Variants in GOLM1 observed in about 807,000 individuals in gnomAD.
GOLM1 encodes the protein epididymis luminal protein 46.
GOLM1 carries 31 observed loss-of-function variants against 50.5 expected under a neutral mutation model. That is an observed-to-expected ratio of 0.61 (90% CI 0.46 to 0.83). The LOEUF (loss-of-function observed/expected upper bound fraction) is 0.83. Among genes scored for constraint, GOLM1 ranks in the 40% least tolerant of loss-of-function variants. The pLI, the probability that GOLM1 is intolerant of heterozygous loss-of-function variation, is 0.00. For synonymous variants in GOLM1, 178 were observed against 192.8 expected, an observed-to-expected ratio of 0.92 and a Z score of 0.64; for missense variants, 491 against 501.3, an observed-to-expected ratio of 0.98 and a Z score of 0.20.
Position 86,046,568 on chromosome 9 carries a change from C to T in GOLM1, c.369G>A (p.Gln123=). The T allele has an allele frequency of 6.2e-7, 1 of 1,600,176 alleles. No homozygotes were observed. The highest frequency in any genetic ancestry group is 8.6e-7 in the Non-Finnish European group (1 of 1,168,748). The change falls in exon 5 of 10, where the codon CAG becomes CAA. Residue 123 remains glutamine (Q), a synonymous_variant. Transcript: ENST00000388712. Reference sequence around the variant, plus strand: ...CGTAATTCCTCTGCAGGGTCTTTAACTGGTCTACACCAAGGGGACAAGGAA... The same window carrying T: ...CGTAATTCCTCTGCAGGGTCTTTAATTGGTCTACACCAAGGGGACAAGGAA... ...GERLIRVLQD[Q]LKTLQRNYGR...
chr9:86,086,853 T>C (rs946389413), intron 1 of GOLM1, among the ~76,000 whole-genome samples: 2 of 152,200 alleles, frequency 1.3e-5, no homozygotes, highest in African/African-American at 2.4e-5. Context: ...TTGGTTACTG[T>C]AGCCTTGTGG....
At chr9:86,048,298 T>C (rs1833622720) in intron 4 of GOLM1, among the ~76,000 whole-genome samples, 1 of 151,414 alleles carries the variant, frequency 6.6e-6, no homozygotes, top group Admixed American at 6.6e-5. Flanking sequence ...GTTGATTCCA[T>C]GTCTTTACTA....
rs369922977 is a variant in GOLM1 at position 86,031,856 on chromosome 9, C to A, written c.1129+1426G>T. On this transcript the variant is annotated intron_variant, in intron 9 of 9. Transcript: ENST00000388712. ...TCAACTGGCATCACAAAAAGAAAGA[C>A]GCCAGGTTGCAGTCAGCCAAGATCG... Among the ~76,000 whole-genome samples, 9 of 149,198 alleles carry A rather than the reference C, an allele frequency of 6.0e-5. 1 individual carries two copies. Among genetic ancestry groups the A allele is most frequent in the Middle Eastern group, 3.4e-3 (1 of 290 alleles).
chr9:86,027,764 AT>A lies in GOLM1; in HGVS notation c.*52del. On this transcript the variant is annotated 3_prime_UTR_variant, in exon 10 of 10. Coordinates refer to ENST00000388712, the MANE Select transcript of GOLM1 (RefSeq NM_016548.4). ...TTTCAGTATTCAGTCCCTCATGAAC[AT>A]TTTATAGTCATCTCTTCGGCCCTGT... 6.3e-7 allele frequency: 1 copy of A among 1,590,488 alleles called. No homozygotes were observed. The highest frequency in any genetic ancestry group is 8.6e-7 in the Non-Finnish European group (1 of 1,169,584).
intron 3 of GOLM1, among the ~76,000 whole-genome samples, chr9:86,061,153 G>A (rs1834151413): frequency 6.6e-6 from 1 of 152,088 alleles, no homozygotes; most frequent in Non-Finnish European, 1.5e-5. Context: ...ACCTTTTCAT[G>A]TTTACGGTTT....
intron 5 of GOLM1, among the ~76,000 whole-genome samples, chr9:86,045,822 G>A (rs1426308812): frequency 6.6e-6 from 1 of 152,132 alleles, no homozygotes; most frequent in Non-Finnish European, 1.5e-5. Flanking sequence ...AAGTCAAAGG[G>A]AAAAGGACAG....
In GOLM1 at chr9:86,046,583, G is replaced by C; in HGVS notation, c.365-11C>G. ...GGGTCTTTAACTGGTCTACACCAAG[G>C]GGACAAGGAATTGCACAGGTCACCG... is the stretch of plus-strand genomic sequence containing the variant. On this transcript the variant is annotated splice_polypyrimidine_tract_variant and intron_variant, in intron 4 of 9. Transcript: ENST00000388712. 6.4e-7 allele frequency: 1 copy of C among 1,564,884 alleles called. No homozygotes were observed. Among genetic ancestry groups the C allele is most frequent in the Non-Finnish European group, 8.8e-7 (1 of 1,138,344 alleles).
At chr9:86,056,112 T>C (rs1833978356) in intron 3 of GOLM1, among the ~76,000 whole-genome samples, 1 of 136,182 alleles carries the variant, frequency 7.3e-6, no homozygotes, top group African/African-American at 2.9e-5. Flanking sequence ...GATGTGTCCT[T>C]TTCTGTCCAT....
intron 9 of GOLM1, among the ~76,000 whole-genome samples, chr9:86,029,009 C>T (rs1304454144): frequency 3.3e-5 from 5 of 152,012 alleles, no homozygotes; most frequent in African/African-American, 9.7e-5. Context: ...CCACCACGCC[C>T]GGCTGATTTC....
chr9:86,062,485 G>A lies in GOLM1; in HGVS notation c.310-9894C>T, dbSNP rs532745907. Among the ~76,000 whole-genome samples, 223 of 151,734 alleles carry A rather than the reference G, an allele frequency of 1.5e-3. 1 individual carries two copies. The highest frequency in any genetic ancestry group is 4.3e-3 in the Admixed American group (66 of 15,246). On this transcript the variant is annotated intron_variant, in intron 3 of 9. Coordinates refer to ENST00000388712, the MANE Select transcript of GOLM1 (RefSeq NM_016548.4). The stretch of plus-strand genomic sequence containing the variant: ...GAGGACAGAGGGAAGGGAGGACGGG[G>A]GAGGAGGGAGGAAGAGGAGGAGGGA...
rs1233198681 is a variant in GOLM1, at chr9:86,026,633, C to T, written c.*1184G>A. ...CCCTTAGAGAGCCTTACTGGGAAGT[C>T]AGTCATTAATGATGTGGCCAGTTAT... is the stretch of plus-strand genomic sequence containing the variant. On this transcript the variant is annotated 3_prime_UTR_variant, in exon 10 of 10. Transcript: ENST00000388712. 2.0e-6 allele frequency: 2 copies of T among 984,696 alleles called. No individual in the cohort carries two copies. The highest frequency in any genetic ancestry group is 6.1e-5 in the Admixed American group (1 of 16,266). The allele number at this position is 984,696 out of a possible 1,614,324, so 61.0% of individuals were successfully genotyped here.
intron 1 of GOLM1, among the ~76,000 whole-genome samples, chr9:86,091,046 G>A (rs1026259587): frequency 2.0e-5 from 3 of 152,254 alleles, no homozygotes; most frequent in Admixed American, 6.5e-5. Flanking sequence ...TAGATGAGGC[G>A]ATGCCCCACC....
At chr9:86,034,738 C>T (rs1483596689) in intron 8 of GOLM1, among the ~76,000 whole-genome samples, 3 of 152,196 alleles carry the variant, frequency 2.0e-5, no homozygotes, top group Non-Finnish European at 4.4e-5. Flanking sequence ...ACTTGGTCCA[C>T]CCCAGAGCGC....
At chr9:86,043,176 T>C (rs1381147235) in intron 5 of GOLM1, among the ~76,000 whole-genome samples, 1 of 152,192 alleles carries the variant, frequency 6.6e-6, no homozygotes, top group Admixed American at 6.5e-5. Context: ...GGAGATGAGA[T>C]GGCGAGCGGT....
intron 5 of GOLM1, among the ~76,000 whole-genome samples, chr9:86,042,821 A>G (rs984930284): frequency 1.3e-5 from 2 of 152,202 alleles, no homozygotes; most frequent in African/African-American, 4.8e-5. Context: ...GGGGCTTTCC[A>G]TGTTCCAACT....
At chr9:86,078,241 T>C (rs1010304913) in intron 2 of GOLM1, among the ~76,000 whole-genome samples, 2 of 152,214 alleles carry the variant, frequency 1.3e-5, no homozygotes, top group African/African-American at 4.8e-5. Flanking sequence ...AGGAGATAAT[T>C]TGTATAAAGT....
At chr9:86,082,330 A>G (rs1834810437) in intron 1 of GOLM1, among the ~76,000 whole-genome samples, 1 of 149,956 alleles carries the variant, frequency 6.7e-6, no homozygotes, top group African/African-American at 2.5e-5. Flanking sequence ...CCAGCCTGAC[A>G]CTTTTTAAAA....
intron 1 of GOLM1, among the ~76,000 whole-genome samples, chr9:86,096,931 T>C (rs1835370453): frequency 6.6e-6 from 1 of 152,190 alleles, no homozygotes; most frequent in South Asian, 2.1e-4. Context: ...AATCATATTA[T>C]ATAGTATTTA....
intron 1 of GOLM1, among the ~76,000 whole-genome samples, chr9:86,082,871 A>T (rs1834828187): frequency 6.6e-6 from 1 of 152,224 alleles, no homozygotes; most frequent in Admixed American, 6.5e-5. Context: ...AAGCATCAAT[A>T]TATTTATTTT....
Sources: gnomAD v4.1 joint callset for allele counts (sites outside exome capture counted in the v4.1 genomes callset) on GRCh38, gnomAD v4.1.1 for gene constraint, MANE v1.5 for transcripts, NCBI Gene and HGNC (gene_info 2026-07-23, HGNC 2026-07-21) for gene names.